The following APBB2 variants were observed in gnomAD, a reference collection of about 807,000 sequenced individuals.
APBB2 encodes the protein Fe65-like 1.
APBB2 carries 38 observed loss-of-function variants against 82.5 expected under a neutral mutation model. The ratio of observed to expected loss-of-function variants is 0.46; its 90% CI spans 0.36 to 0.60. The LOEUF is 0.60. APBB2 is among the 20% of genes least tolerant of loss of function. The pLI is 0.00. For synonymous variants in APBB2, 341 were observed against 368.2 expected, an observed-to-expected ratio of 0.93 and a Z score of 0.85; for missense variants, 772 against 972.3, an observed-to-expected ratio of 0.79 and a Z score of 2.74.
intron 1 of APBB2, among the ~76,000 whole-genome samples, chr4:41,173,895 T>C (rs1232141123): frequency 1.3e-5 from 2 of 152,192 alleles, no homozygotes; most frequent in East Asian, 3.8e-4. Context: ...ATAAGTATTA[T>C]ATGCCACAAT....
chr4:41,194,912 T>C, intron 1 of APBB2, among the ~76,000 whole-genome samples: 1 of 152,292 alleles, frequency 6.6e-6, no homozygotes, highest in East Asian at 1.9e-4. Context: ...AGTGGTTAAT[T>C]ACTACAGTTT....
chr4:40,916,919 G>C (rs1779989469), intron 10 of APBB2, among the ~76,000 whole-genome samples: 1 of 152,170 alleles, frequency 6.6e-6, no homozygotes, highest in Non-Finnish European at 1.5e-5. Context: ...TCAGAGGGAA[G>C]AGGGGAGGAC....
chr4:40,847,838 G>A (rs566250606), intron 12 of APBB2, among the ~76,000 whole-genome samples: 2 of 150,712 alleles, frequency 1.3e-5, no homozygotes, highest in African/African-American at 2.4e-5. Context: ...ATGGGATCTC[G>A]CTCTGTTGCC....
Position 41,054,455 on chromosome 4 carries a change from C to A in APBB2, c.-51+11121G>T, listed in dbSNP as rs146044177. Among the ~76,000 whole-genome samples the A allele has an allele frequency of 1.1e-3, 163 of 152,218 alleles. 1 individual carries two copies. The highest frequency in any genetic ancestry group is 3.8e-3 in the African/African-American group (157 of 41,530). Reference sequence around the variant, plus strand: ...CACACCACCCTGAATTAAACTATAGCCCTATGAGCAACAATGGAACAGGAT... The same window carrying A: ...CACACCACCCTGAATTAAACTATAGACCTATGAGCAACAATGGAACAGGAT... On this transcript the variant is annotated intron_variant, in intron 4 of 17. Coordinates refer to ENST00000508593, the MANE Select transcript of APBB2 (RefSeq NM_004307.2).
chr4:41,021,591 G>T (rs990822604), intron 5 of APBB2, among the ~76,000 whole-genome samples: 1 of 152,154 alleles, frequency 6.6e-6, no homozygotes, highest in Non-Finnish European at 1.5e-5. Flanking sequence ...CTAGCTAAAG[G>T]TTTGTAAACT....
chr4:40,880,930 C>T, intron 12 of APBB2: 4 of 980,416 alleles, frequency 4.1e-6, no homozygotes, highest in Non-Finnish European at 3.6e-6. Flanking sequence ...GATTCATGAA[C>T]AGGGACAGGA....
At chr4:41,020,809 A>G (rs1014079865) in intron 5 of APBB2, among the ~76,000 whole-genome samples, 1 of 152,238 alleles carries the variant, frequency 6.6e-6, no homozygotes, top group Non-Finnish European at 1.5e-5. Flanking sequence ...CTCTGGCAGC[A>G]GTGACACTCC....
chr4:40,963,005 T>A (rs1472822330), intron 6 of APBB2, among the ~76,000 whole-genome samples: 5 of 152,218 alleles, frequency 3.3e-5, no homozygotes, highest in Non-Finnish European at 7.3e-5. Flanking sequence ...TCCAAATTTG[T>A]TACACTACAG....
intron 17 of APBB2, among the ~76,000 whole-genome samples, chr4:40,818,880 C>A (rs1367409809): frequency 6.6e-6 from 1 of 152,186 alleles, no homozygotes; most frequent in African/African-American, 2.4e-5. Flanking sequence ...CCCACCTCAT[C>A]CTTTTAACAT....
chr4:41,083,179 T>C (rs547509128), intron 3 of APBB2, among the ~76,000 whole-genome samples: 25 of 150,602 alleles, frequency 1.7e-4, no homozygotes, highest in Admixed American at 1.5e-3. Context: ...CATAAATAAA[T>C]AAGACAAATA....
rs1001858373 is a variant in APBB2, at chr4:41,003,701, G to A, written c.835+9882C>T. Among the ~76,000 whole-genome samples, 8 of 152,162 alleles carry A rather than the reference G, an allele frequency of 5.3e-5. No individual in the cohort carries two copies. The East Asian group carries it at 1.4e-3, about 26-fold the overall frequency. On this transcript the variant is annotated intron_variant, in intron 6 of 17. Coordinates refer to ENST00000508593, the MANE Select transcript of APBB2 (RefSeq NM_004307.2). ...AAGCCTTCAAAGGGAGCGAGACCCT[G>A]ATGACATTTCGATTTTGGATTTTTC...
intron 10 of APBB2, among the ~76,000 whole-genome samples, chr4:40,908,018 T>G (rs1777523144): frequency 6.6e-6 from 1 of 151,264 alleles, no homozygotes; most frequent in African/African-American, 2.4e-5. Context: ...GTATGTGGTG[T>G]GTGTGTGTGG....
intron 5 of APBB2, among the ~76,000 whole-genome samples, chr4:41,026,012 C>T (rs963181046): frequency 2.6e-4 from 39 of 151,136 alleles, no homozygotes; most frequent in African/African-American, 9.0e-4. Flanking sequence ...ACTATGCAGC[C>T]ATAAAAAAGC....
intron 6 of APBB2, among the ~76,000 whole-genome samples, chr4:40,962,580 G>A (rs1011595520): frequency 1.3e-5 from 2 of 152,162 alleles, no homozygotes; most frequent in Admixed American, 6.5e-5. Flanking sequence ...TGTCCCATAC[G>A]TCATAGGTGG....
chr4:40,935,105 C>T lies in APBB2; in HGVS notation c.1079G>A (p.Gly360Glu). ...CCAAATGTCACTATTAATCTTTCCC[C>T]CATTCAGAACAGCAAAATCACTCCA... ...QPWSDFAVLN[G>E]GKINSDIWKD... The change falls in exon 8 of 18, where the codon GGG becomes GAG. Residue 360 changes from glycine to glutamate, a missense_variant. Physicochemically the swap from Gly to Glu is moderately conservative, Grantham distance 98. Transcript: ENST00000508593. 2 of 1,535,892 alleles carry T rather than the reference C, an allele frequency of 1.3e-6. No individual in the cohort carries two copies.
At chr4:41,098,905 T>A (rs1346456375) in intron 3 of APBB2, among the ~76,000 whole-genome samples, 1 of 152,222 alleles carries the variant, frequency 6.6e-6, no homozygotes, top group Admixed American at 6.5e-5. Context: ...CATAATCCTT[T>A]TTCAAATATC....
At chr4:40,819,721 C>T (rs1027576921) in intron 17 of APBB2, among the ~76,000 whole-genome samples, 4 of 152,238 alleles carry the variant, frequency 2.6e-5, no homozygotes, top group African/African-American at 9.6e-5. Context: ...AGCTCCCCCT[C>T]ACTGGCAAAC....
At chr4:41,005,421 T>C (rs1271938861) in intron 6 of APBB2, among the ~76,000 whole-genome samples, 11 of 152,194 alleles carry the variant, frequency 7.2e-5, no homozygotes, top group Non-Finnish European at 1.5e-5. Context: ...TGCTTGTTTT[T>C]GTTTTTGGTG....
At chr4:40,845,014 A>T (rs1323394387) in intron 12 of APBB2, among the ~76,000 whole-genome samples, 2 of 152,244 alleles carry the variant, frequency 1.3e-5, no homozygotes, top group Non-Finnish European at 2.9e-5. Context: ...ATCCACTGCT[A>T]GTGATTCACT....
Sources: gnomAD v4.1 joint callset for allele counts (sites outside exome capture counted in the v4.1 genomes callset) on GRCh38, gnomAD v4.1.1 for gene constraint, MANE v1.5 for transcripts, NCBI Gene and HGNC (gene_info 2026-07-23, HGNC 2026-07-21) for gene names.